The following GALNT14 variants were observed in gnomAD, a reference collection of about 807,000 sequenced individuals.
GALNT14 encodes the protein UDP-GalNAc:polypeptide N-acetylgalactosaminyltransferase 14.
GALNT14 carries 60 observed loss-of-function variants against 77.5 expected under a neutral mutation model. The ratio of observed to expected loss-of-function variants is 0.77; its 90% CI spans 0.63 to 0.96. GALNT14 has a LOEUF of 0.96. Ranked by LOEUF, GALNT14 falls within the 40% of genes least tolerant of loss-of-function variation. The pLI, the probability that GALNT14 is intolerant of heterozygous loss-of-function variation, is 0.00. For synonymous variants in GALNT14, 280 were observed against 281.7 expected, an observed-to-expected ratio of 0.99 and a Z score of 0.06; for missense variants, 710 against 731.0, an observed-to-expected ratio of 0.97 and a Z score of 0.33.
chr2:30,934,299 G>A (rs1665925815), intron 9 of GALNT14, among the ~76,000 whole-genome samples: 1 of 152,140 alleles, frequency 6.6e-6, no homozygotes, highest in Non-Finnish European at 1.5e-5. Flanking sequence ...TCAGTCTCAT[G>A]TCTGTGCTCC....
chr2:30,947,231 G>A (rs1385185411), intron 6 of GALNT14, among the ~76,000 whole-genome samples: 1 of 151,994 alleles, frequency 6.6e-6, no homozygotes, highest in Admixed American at 6.6e-5. Context: ...TTTCTGATTT[G>A]CAAATCTGAC....
chr2:31,028,513 C>G, intron 1 of GALNT14, among the ~76,000 whole-genome samples: 1 of 152,258 alleles, frequency 6.6e-6, no homozygotes, highest in Non-Finnish European at 1.5e-5. Flanking sequence ...GGGGCTCCCT[C>G]CATCTCAGCT....
Position 31,138,273 on chromosome 2 carries a change from G to T in GALNT14, c.-187C>A. 5.9e-6 allele frequency: 4 copies of T among 674,566 alleles called. No homozygotes were observed. The highest frequency in any genetic ancestry group is 2.8e-5 in the East Asian group (1 of 35,188). The allele number at this position is 674,566 out of a possible 1,614,324, so 41.8% of individuals were successfully genotyped here. On this transcript the variant is annotated 5_prime_UTR_variant, in exon 1 of 15. Transcript: ENST00000349752. ...GCTTCGAAGAGAAGCGAGCCTGGGT[G>T]GGGGGTGCAGGGCGACCCGAAACGT...
At chr2:30,983,920 T>C (rs1669140454) in intron 2 of GALNT14, among the ~76,000 whole-genome samples, 1 of 152,130 alleles carries the variant, frequency 6.6e-6, no homozygotes, top group African/African-American at 2.4e-5. Context: ...TCTGAAAAAT[T>C]GATTTTGCAT....
rs141947378 is a variant in GALNT14 at position 30,956,092 on chromosome 2, C to T, written c.467-115G>A. On this transcript the variant is annotated intron_variant, in intron 4 of 14. Coordinates refer to ENST00000349752, the MANE Select transcript of GALNT14 (RefSeq NM_024572.4). ...GGTGAGGCAGCCCTGTCCACTGTCCCCTAACTGCAGAGTGCAGTCCTGACT... is the reference window on the plus strand; with the variant it reads ...GGTGAGGCAGCCCTGTCCACTGTCCTCTAACTGCAGAGTGCAGTCCTGACT... The T allele has an allele frequency of 1.5e-3, 1,438 of 971,334 alleles. 17 individuals are homozygous for T. The African/African-American group carries it at 0.019, about 13-fold the overall frequency. The allele number at this position is 971,334 out of a possible 1,614,324, so 60.2% of individuals were successfully genotyped here.
intron 6 of GALNT14, among the ~76,000 whole-genome samples, chr2:30,949,062 T>C (rs534950826): frequency 2.0e-5 from 3 of 152,228 alleles, no homozygotes; most frequent in African/African-American, 7.2e-5. Flanking sequence ...GGAGGCCAGA[T>C]AGGTAGTGAG....
intron 2 of GALNT14, among the ~76,000 whole-genome samples, chr2:30,984,723 A>G (rs779409954): frequency 5.3e-5 from 8 of 152,190 alleles, no homozygotes; most frequent in Non-Finnish European, 1.0e-4. Context: ...CCCACTCGCC[A>G]GCACACTAAC....
rs760902260 is a variant in GALNT14, at chr2:30,993,020, A to T, written c.130-13T>A. The T allele has an allele frequency of 2.5e-6, 4 of 1,613,424 alleles. No individual in the cohort carries two copies. Among genetic ancestry groups the T allele is most frequent in the Non-Finnish European group, 3.4e-6 (4 of 1,179,756 alleles). On this transcript the variant is annotated splice_polypyrimidine_tract_variant and intron_variant, in intron 1 of 14. Coordinates refer to ENST00000349752, the MANE Select transcript of GALNT14 (RefSeq NM_024572.4). ...CAGCGTCCGAAGGCTGCGTGACACG[A>T]ATGGGAAGTCTGTGAGAACGGCTCC... is the stretch of plus-strand genomic sequence containing the variant.
intron 1 of GALNT14, among the ~76,000 whole-genome samples, chr2:31,077,346 T>C (rs192235000): frequency 6.6e-6 from 1 of 152,328 alleles, no homozygotes; most frequent in African/African-American, 2.4e-5. Flanking sequence ...AAATCTAATA[T>C]ACACACCCAT....
chr2:30,940,589 G>A (rs578126404), intron 9 of GALNT14, among the ~76,000 whole-genome samples: 1 of 152,360 alleles, frequency 6.6e-6, no homozygotes, highest in South Asian at 2.1e-4. Context: ...AAGAAATGCT[G>A]TAGAGAGGAT....
chr2:31,133,234 A>G (rs529897891), intron 1 of GALNT14, among the ~76,000 whole-genome samples: 1 of 152,366 alleles, frequency 6.6e-6, no homozygotes, highest in Admixed American at 6.5e-5. Context: ...CTGTCTTGAT[A>G]CATTGGCTCT....
intron 2 of GALNT14, among the ~76,000 whole-genome samples, chr2:30,984,393 C>T (rs1669169675): frequency 6.6e-6 from 1 of 152,184 alleles, no homozygotes; most frequent in South Asian, 2.1e-4. Flanking sequence ...TTCCTACTGG[C>T]CATGGTGCTG....
intron 1 of GALNT14, among the ~76,000 whole-genome samples, chr2:31,057,015 G>T (rs747481137): frequency 6.6e-6 from 1 of 152,174 alleles, no homozygotes; most frequent in South Asian, 2.1e-4. Context: ...TAACCTCAGC[G>T]AATTAACACG....
At chr2:31,105,724 C>CA (rs888880030) in intron 1 of GALNT14, among the ~76,000 whole-genome samples, 36 of 144,766 alleles carry the variant, frequency 2.5e-4, no homozygotes, top group East Asian at 1.2e-3. Context: ...GACCCTGTCT[C>CA]AAAAAAAAAA....
intron 3 of GALNT14, among the ~76,000 whole-genome samples, chr2:30,965,100 G>A (rs747359269): frequency 2.6e-5 from 4 of 152,092 alleles, no homozygotes; most frequent in African/African-American, 7.2e-5. Flanking sequence ...GCTGCGGGAC[G>A]TGGCTGTGGC....
chr2:31,040,042 GT>G (rs552600550), intron 1 of GALNT14, among the ~76,000 whole-genome samples: 157 of 152,250 alleles, frequency 1.0e-3, no homozygotes, highest in African/African-American at 3.4e-3. Context: ...AACAAATATA[GT>G]TAATGGAATT....
At position 31,017,877 on chromosome 2, in the gene GALNT14, T is replaced by G. The variant is rs183037092; in HGVS notation, c.130-24870A>C. Among the ~76,000 whole-genome samples the G allele has an allele frequency of 4.6e-5, 7 of 152,344 alleles. No individual in the cohort carries two copies. In the East Asian group the frequency reaches 1.3e-3, roughly 29 times the overall value. On this transcript the variant is annotated intron_variant, in intron 1 of 14. Coordinates refer to ENST00000349752, the MANE Select transcript of GALNT14 (RefSeq NM_024572.4). ...TGTGAACTAACTGAACCCACTGGCA[T>G]GGAGACTAATAGTTTAATATGTTGT...
chr2:30,985,315 G>A (rs192366022), intron 2 of GALNT14, among the ~76,000 whole-genome samples: 6 of 152,240 alleles, frequency 3.9e-5, no homozygotes, highest in South Asian at 4.1e-4. Context: ...TTACCCCTTC[G>A]GGAAATCTCC....
chr2:30,953,591 C>T (rs533982004), intron 6 of GALNT14, among the ~76,000 whole-genome samples: 11 of 152,224 alleles, frequency 7.2e-5, no homozygotes, highest in South Asian at 4.1e-4. Flanking sequence ...TATAGGCATG[C>T]GCCACCGCAC....
Sources: allele counts gnomAD v4.1 joint callset (sites outside exome capture counted in the v4.1 genomes callset), GRCh38; gene constraint gnomAD v4.1.1; transcripts MANE v1.5; gene names NCBI Gene and HGNC (gene_info 2026-07-23, HGNC 2026-07-21).